Variants in GABRR2 observed in about 807,000 individuals in gnomAD.
The protein encoded by GABRR2 is gamma-aminobutyric acid type A receptor subunit rho2, also known as gamma-aminobutyric acid receptor subunit rho-2.
In GABRR2, 36 loss-of-function variants were observed where a neutral mutation model predicts 47.0. The observed-to-expected ratio is 0.77, with a 90% confidence interval of 0.59 to 1.01. The LOEUF is 1.01. GABRR2 is among the 50% of genes least tolerant of loss of function. The pLI is 0.00. For missense variants in GABRR2, 587 were observed against 594.6 expected (o/e 0.99, Z 0.13); for synonymous variants, 204 against 227.5 (o/e 0.90, Z 0.93).
In GABRR2 at chr6:89,265,707, CAAG is replaced by C. The variant is rs769124090; in HGVS notation, c.792_794del (p.Phe264del). The C allele has an allele frequency of 4.5e-5, 72 of 1,612,762 alleles. No homozygotes were observed. Among genetic ancestry groups the C allele is most frequent in the Middle Eastern group, 3.3e-4 (2 of 6,080 alleles). The stretch of plus-strand genomic sequence containing the variant: ...GAGTGGCAGGGAAATATGTTTGGAG[CAAG>C]AAGAAGAAGATGTGGCGACGCAACG... On this transcript the variant is annotated inframe_deletion, in exon 7 of 9. Transcript: ENST00000402938.
intron 8 of GABRR2, among the ~76,000 whole-genome samples, chr6:89,261,816 T>C (rs573969630): frequency 6.6e-6 from 1 of 152,288 alleles, no homozygotes; most frequent in South Asian, 2.1e-4. Context: ...GGTGGGCAGA[T>C]GGCTTTGACT....
At chr6:89,282,231 C>A (rs1414901103) in intron 2 of GABRR2, among the ~76,000 whole-genome samples, 3 of 152,210 alleles carry the variant, frequency 2.0e-5, no homozygotes, top group Non-Finnish European at 2.9e-5. Flanking sequence ...GGCTCCCTCA[C>A]ATACTGATCT....
chr6:89,265,468 G>A, intron 7 of GABRR2, 145 bp downstream of exon 7: 1 of 859,202 alleles, frequency 1.2e-6, no homozygotes, highest in South Asian at 2.3e-5. Context: ...CATCTAGATG[G>A]TAAAGGCAAG....
chr6:89,292,346 T>TTATATA (rs57703020), intron 2 of GABRR2, among the ~76,000 whole-genome samples: 16 of 13,848 alleles, frequency 1.2e-3, no homozygotes, highest in Non-Finnish European at 1.3e-3. Flanking sequence ...AAAAAAAATT[T>TTATATA]TATATATATA....
intron 1 of GABRR2, chr6:89,301,804 C>G (rs1374689959): frequency 3.4e-6 from 3 of 877,100 alleles, no homozygotes; most frequent in Non-Finnish European, 3.8e-6. Flanking sequence ...CCTGCACATT[C>G]AGGCCGGCCA....
intron 1 of GABRR2, chr6:89,302,601 C>T (rs1453992485): frequency 2.6e-6 from 3 of 1,159,864 alleles, no homozygotes; most frequent in South Asian, 1.2e-5. Context: ...GGGCAGCCAG[C>T]ATTACCGGGC....
rs1773989546 is a variant in GABRR2, at chr6:89,269,312, T to C, written c.289-78A>G. ...TTACAATCAACCCACCATTCACTACTGTGGTGAACATCTCAGGCTCAGCAT... is the reference window on the plus strand; with the variant it reads ...TTACAATCAACCCACCATTCACTACCGTGGTGAACATCTCAGGCTCAGCAT... On this transcript the variant is annotated intron_variant, in intron 3 of 8. Transcript: ENST00000402938. The C allele has an allele frequency of 4.4e-5, 47 of 1,057,762 alleles. 1 individual carries two copies. The highest frequency in any genetic ancestry group is 2.8e-4 in the Middle Eastern group (1 of 3,582). The allele number at this position is 1,057,762 out of a possible 1,614,324, so 65.5% of individuals were successfully genotyped here. A position where few individuals can be genotyped will look rare whatever the true frequency, so the allele number is the denominator to read the frequency against.
At chr6:89,303,293 C>T (rs1056869572) in intron 1 of GABRR2, among the ~76,000 whole-genome samples, 1 of 152,216 alleles carries the variant, frequency 6.6e-6, no homozygotes, top group Non-Finnish European at 1.5e-5. Flanking sequence ...CCCACCTAGG[C>T]CACGTGTGTG....
chr6:89,264,247 C>T (rs1773822931), intron 8 of GABRR2, among the ~76,000 whole-genome samples, 165 bp downstream of exon 8: 1 of 152,272 alleles, frequency 6.6e-6, no homozygotes, highest in East Asian at 1.9e-4. Flanking sequence ...TTTCTGGAAT[C>T]CTTTGGGGTA....
chr6:89,302,139 G>A (rs867921301), intron 1 of GABRR2: 2 of 594,494 alleles, frequency 3.4e-6, no homozygotes, highest in Middle Eastern at 2.8e-4. Context: ...CTGGATGTGC[G>A]GAAGAAGTGT....
chr6:89,315,039 AC>A lies in GABRR2; in HGVS notation c.113+13del, dbSNP rs1767738541. 2 of 1,609,586 alleles carry A rather than the reference AC, an allele frequency of 1.2e-6. No homozygotes were observed. Among genetic ancestry groups the A allele is most frequent in the African/African-American group, 2.7e-5 (2 of 74,714 alleles). The stretch of plus-strand genomic sequence containing the variant: ...TGCAGGGTAACCTCCCTCCTTTCCC[AC>A]CTATGACTTTACCTTGGCTTGGGCA... On this transcript the variant is annotated intron_variant, in intron 1 of 8. Transcript: ENST00000402938.
chr6:89,269,185 A>G lies in GABRR2; in HGVS notation c.338T>C (p.Leu113Pro), dbSNP rs181484637. The G allele has an allele frequency of 6.2e-7, 1 of 1,614,034 alleles. No individual in the cohort carries two copies. The highest frequency in any genetic ancestry group is 2.2e-5 in the East Asian group (1 of 44,884). ...CTTGTTGCTGGCGCTGGAGAAAGCTAGCCTCTCATCCTTCCAGTAATGCCG... is the reference window on the plus strand; with the variant it reads ...CTTGTTGCTGGCGCTGGAGAAAGCTGGCCTCTCATCCTTCCAGTAATGCCG... The part of the protein sequence containing the change: ...YLRHYWKDER[L>P]AFSSASNKSM... The change falls in exon 4 of 9, where the codon CTA becomes CCA. Residue 113 changes from leucine to proline, a missense_variant. Physicochemically the swap from Leu to Pro is moderately conservative, Grantham distance 98 (BLOSUM62 -3). Transcript: ENST00000402938.
intron 1 of GABRR2, chr6:89,301,936 A>C (rs1355158133): frequency 9.1e-6 from 9 of 989,226 alleles, no homozygotes; most frequent in Non-Finnish European, 1.3e-5. Flanking sequence ...CATCTACTAC[A>C]ACGAGGCCTC....
intron 1 of GABRR2, chr6:89,302,819 C>A (rs1334175731): frequency 2.1e-6 from 3 of 1,417,942 alleles, no homozygotes; most frequent in East Asian, 5.6e-5. Flanking sequence ...TGAAGGTGGA[C>A]GTGTGTGACA....
intron 4 of GABRR2, 108 bp downstream of exon 4, chr6:89,268,903 C>T: frequency 1.1e-6 from 1 of 918,998 alleles, no homozygotes. Flanking sequence ...CTCCTCCCAT[C>T]CACGAACCCA....
chr6:89,278,435 G>A (rs1774203442), intron 2 of GABRR2, among the ~76,000 whole-genome samples: 1 of 152,194 alleles, frequency 6.6e-6, no homozygotes, highest in Non-Finnish European at 1.5e-5. Flanking sequence ...ATAGCTCAAA[G>A]TTTTAAAAAT....
At chr6:89,295,589 C>G (rs1471176239) in intron 2 of GABRR2, among the ~76,000 whole-genome samples, 1 of 152,132 alleles carries the variant, frequency 6.6e-6, no homozygotes, top group Non-Finnish European at 1.5e-5. Context: ...CCTGTTCACT[C>G]TGATGGTAGT....
rs1375976458 is a variant in GABRR2, at chr6:89,264,510, C to T, written c.988G>A (p.Val330Ile). The change falls in exon 8 of 9, where the codon GTC becomes ATC. Residue 330 changes from valine (V) to isoleucine (I), a missense_variant. By Grantham distance (29) the Val-to-Ile change is conservative (BLOSUM62 3). Transcript: ENST00000402938. ...YVKAVDIYLW[V>I]SFVFVFLSVL... ...GAGAGGAACACGAACACAAAGCTGA[C>T]CCAGAGGTAGATGTCCACGGCCTTG... 2 of 1,614,124 alleles carry T rather than the reference C, an allele frequency of 1.2e-6. No homozygotes were observed. Among genetic ancestry groups the T allele is most frequent in the Admixed American group, 1.7e-5 (1 of 60,026 alleles).
chr6:89,276,040 ATAT>A (rs1774152366), intron 2 of GABRR2, among the ~76,000 whole-genome samples: 1 of 148,444 alleles, frequency 6.7e-6, no homozygotes, highest in African/African-American at 2.4e-5. Context: ...TTCTATTAAA[ATAT>A]TATAAATATA....
Sources: gnomAD v4.1 joint callset for allele counts (sites outside exome capture counted in the v4.1 genomes callset) on GRCh38, gnomAD v4.1.1 for gene constraint, MANE v1.5 for transcripts, NCBI Gene and HGNC (gene_info 2026-07-23, HGNC 2026-07-21) for gene names.